Variants in FLNB observed in about 807,000 individuals in gnomAD.
FLNB encodes the protein filamin B, also known as filamin-B.
In FLNB, 111 loss-of-function variants were observed where a neutral mutation model predicts 250.6. The ratio of observed to expected loss-of-function variants is 0.44; its 90% CI spans 0.38 to 0.52. The LOEUF is 0.52. Among genes scored for constraint, FLNB ranks in the 20% least tolerant of loss-of-function variants. The pLI is 0.00. For synonymous variants in FLNB, 1,302 were observed against 1,372.1 expected, an observed-to-expected ratio of 0.95 and a Z score of 1.13; for missense variants, 2,869 against 3,447.8, an observed-to-expected ratio of 0.83 and a Z score of 4.20.
rs144652070 is a variant in FLNB at position 58,164,297 on chromosome 3, G to A, written c.7198+967G>A. On this transcript the variant is annotated intron_variant, in intron 43 of 45. Coordinates refer to ENST00000295956, the MANE Select transcript of FLNB (RefSeq NM_001457.4). This position sits in a 1 kb window ranked among gnomAD's most constrained non-coding sequence, Gnocchi z 4.0. ...GCATCGGGTGGTGCGCAGTGAGTGC[G>A]TCACTGTTATGGAGGCTGCCAGGGT... 8.5e-5 allele frequency: 13 copies of A among 152,434 alleles called. No homozygotes were observed. The highest frequency in any genetic ancestry group is 4.1e-4 in the South Asian group (2 of 4,822). The allele number at this position is 152,434 out of a possible 1,614,324, so 9.4% of individuals were successfully genotyped here. A position where few individuals can be genotyped will look rare whatever the true frequency, so the allele number is the denominator to read the frequency against.
intron 1 of FLNB, among the ~76,000 whole-genome samples, chr3:58,043,300 A>G (rs1350647044): frequency 6.6e-6 from 1 of 151,690 alleles, no homozygotes; most frequent in Non-Finnish European, 1.5e-5. Context: ...GTGTCCGGCT[A>G]ATTTTTGTAT....
intron 20 of FLNB, 39 bp from the exon 21 acceptor site, chr3:58,123,054 G>A (rs756558584): frequency 5.1e-6 from 8 of 1,562,198 alleles, no homozygotes; most frequent in Non-Finnish European, 5.3e-6. Flanking sequence ...GCTGAGCAGC[G>A]ATCCCAGTGC....
chr3:58,078,852 C>A, intron 3 of FLNB, 38 bp downstream of exon 3: 1 of 1,512,694 alleles, frequency 6.6e-7, no homozygotes, highest in Non-Finnish European at 9.1e-7. Flanking sequence ...AGGCTGCCCC[C>A]ACCCACTAGC....
At chr3:58,126,836 C>G (rs2097298791) in intron 24 of FLNB, 74 bp downstream of exon 24, 1 of 1,358,264 alleles carries the variant, frequency 7.4e-7, no homozygotes, top group Non-Finnish European at 1.0e-6. Context: ...TTGGTTATCT[C>G]TCTGAGTGGG....
At chr3:58,125,883 C>A in intron 23 of FLNB, 140 bp downstream of exon 23, 1 of 796,966 alleles carries the variant, frequency 1.3e-6, no homozygotes, top group Non-Finnish European at 2.0e-6. Context: ...ACTTATGTTA[C>A]ATAGAAAGAC....
At chr3:58,117,887 G>C (rs936308908) in intron 18 of FLNB, among the ~76,000 whole-genome samples, 1 of 150,528 alleles carries the variant, frequency 6.6e-6, no homozygotes, top group South Asian at 2.1e-4. Flanking sequence ...TTTAACACTT[G>C]ATCAGCAACA....
chr3:58,080,581 GC>G (rs2097207747), intron 3 of FLNB, among the ~76,000 whole-genome samples: 1 of 142,888 alleles, frequency 7.0e-6, no homozygotes, highest in Admixed American at 7.3e-5. Context: ...TGCAACCTCC[GC>G]CTCCTAGGTA....
chr3:58,023,588 C>T (rs900391088), intron 1 of FLNB, among the ~76,000 whole-genome samples: 6 of 152,112 alleles, frequency 3.9e-5, no homozygotes, highest in Non-Finnish European at 8.8e-5. Flanking sequence ...ATTCCTTTCT[C>T]AGGAAAAAAG....
intron 1 of FLNB, among the ~76,000 whole-genome samples, chr3:58,058,704 T>G (rs1034767772): frequency 6.6e-6 from 1 of 152,222 alleles, no homozygotes; most frequent in Non-Finnish European, 1.5e-5. Flanking sequence ...CTGCAAAACT[T>G]CTTGAATCCA....
intron 7 of FLNB, 126 bp from the exon 8 acceptor site, chr3:58,098,585 G>A (rs560463552): frequency 1.7e-5 from 14 of 818,172 alleles, no homozygotes; most frequent in African/African-American, 8.4e-5. Flanking sequence ...TACCCACCTC[G>A]GCCTCTCGAA....
At chr3:58,038,450 T>C (rs957855272) in intron 1 of FLNB, among the ~76,000 whole-genome samples, 8 of 151,590 alleles carry the variant, frequency 5.3e-5, no homozygotes, top group African/African-American at 1.9e-4. Context: ...CTTTTTTTTT[T>C]TTCCTGAGTT....
chr3:58,148,758 T>A lies in FLNB; in HGVS notation c.5997T>A (p.Ile1999=), dbSNP rs1379156021. The A allele has an allele frequency of 6.2e-7, 1 of 1,613,848 alleles. No homozygotes were observed. Among genetic ancestry groups the A allele is most frequent in the South Asian group, 1.1e-5 (1 of 91,036 alleles). Residue 1999 remains isoleucine, a synonymous_variant, in exon 36 of 46, where the codon ATT becomes ATA. Coordinates refer to ENST00000295956, the MANE Select transcript of FLNB (RefSeq NM_001457.4). ...PVSIMVVQSE[I]GDARRAKVYG... ...CTATCATGGTGGTCCAGTCGGAGATTGGTGACGCCCGCCGAGCCAAAGTCT... is the reference window on the plus strand; with the variant it reads ...CTATCATGGTGGTCCAGTCGGAGATAGGTGACGCCCGCCGAGCCAAAGTCT...
In FLNB at chr3:58,154,616, G is replaced by A. The variant is rs904522939; in HGVS notation, c.6635-175G>A. 4.3e-5 allele frequency: 27 copies of A among 627,636 alleles called. No homozygotes were observed. In the Admixed American group the frequency reaches 6.6e-4, roughly 15 times the overall value. 38.9% of individuals were successfully genotyped at this position (627,636 alleles called of 1,614,324 possible). ...TGTGAATTTAGTTATCACTAGTGAT[G>A]CTTAGGAAACTTCAGCAATGGACCT... On this transcript the variant is annotated intron_variant, in intron 39 of 45. Transcript: ENST00000295956.
Position 58,032,994 on chromosome 3 carries a change from G to A in FLNB, c.292+24138G>A, listed in dbSNP as rs80068496. Among the ~76,000 whole-genome samples, 436 of 152,200 alleles carry A rather than the reference G, an allele frequency of 2.9e-3. 5 individuals are homozygous for A. The highest frequency in any genetic ancestry group is 1.0e-2 in the African/African-American group (415 of 41,526). On this transcript the variant is annotated intron_variant, in intron 1 of 45. Transcript: ENST00000295956. Reference sequence around the variant, plus strand: ...AGGCTGAGGTGGGAGGATTGCTTGAGCCCGGGAAGTCAAGACTGCAGTGAG... The same window carrying A: ...AGGCTGAGGTGGGAGGATTGCTTGAACCCGGGAAGTCAAGACTGCAGTGAG...
Position 58,113,691 on chromosome 3 carries a change from T to G in FLNB, c.2745+1373T>G, listed in dbSNP as rs187454062. 2.5e-4 allele frequency among the ~76,000 whole-genome samples: 38 copies of G among 152,346 alleles called. No individual in the cohort carries two copies. The East Asian group carries it at 7.3e-3, about 29-fold the overall frequency. ...CCAAATTTTTATTTTTATTTATTTA[T>G]TTTTTAGACAAAAGTCTTGCTCTGT... is the stretch of plus-strand genomic sequence containing the variant. On this transcript the variant is annotated intron_variant, in intron 18 of 45. Coordinates refer to ENST00000295956, the MANE Select transcript of FLNB (RefSeq NM_001457.4).
Position 58,105,097 on chromosome 3 carries a change from T to C in FLNB, c.1628T>C (p.Val543Ala), listed in dbSNP as rs773177128. The change falls in exon 11 of 46, where the codon GTT becomes GCT. Residue 543 changes from valine to alanine, a missense_variant. Val to Ala is a moderately conservative substitution (Grantham distance 64, BLOSUM62 0). Around this residue, in one of 5 missense-constraint regions of FLNB, gnomAD observed 1,348 missense variants for 1,466.7 expected, o/e 0.92. Coordinates refer to ENST00000295956, the MANE Select transcript of FLNB (RefSeq NM_001457.4). ...HIPKSPFEVQ[V>A]GPEAGMQKVR... ...CCCTGTAGCCCCTTTGAAGTTCAAG[T>C]TGGCCCTGAAGCGGGTATGCAGAAA... 162 of 1,614,144 alleles carry C rather than the reference T, an allele frequency of 1.0e-4. No homozygotes were observed. The highest frequency in any genetic ancestry group is 1.3e-4 in the Non-Finnish European group (158 of 1,180,050).
chr3:58,132,079 T>A (rs1220612795), intron 25 of FLNB: 1 of 1,173,178 alleles, frequency 8.5e-7, no homozygotes, highest in Non-Finnish European at 1.2e-6. Flanking sequence ...CTGGCCTCAC[T>A]TCTAAAATTG....
intron 25 of FLNB, 75 bp downstream of exon 25, chr3:58,130,983 T>G: frequency 6.9e-7 from 1 of 1,442,916 alleles, no homozygotes; most frequent in Non-Finnish European, 9.5e-7. Context: ...GAGCAGATGC[T>G]TTGCTTTTGA....
rs1209818053 is a variant in FLNB, at chr3:58,078,573, C to T, written c.542-144C>T. 1.9e-5 allele frequency: 29 copies of T among 1,526,204 alleles called. No individual in the cohort carries two copies. The East Asian group carries it at 5.4e-4, about 28-fold the overall frequency. 94.5% of individuals were successfully genotyped at this position (1,526,204 alleles called of 1,614,324 possible). On this transcript the variant is annotated intron_variant, in intron 2 of 45. Transcript: ENST00000295956. ...CACTCATACCTGTGATACTTTTTGC[C>T]TATTAAATATATGATTTGCTCAGAT...
Sources: allele counts gnomAD v4.1 joint callset (sites outside exome capture counted in the v4.1 genomes callset), GRCh38; gene constraint gnomAD v4.1.1; regional missense constraint gnomAD v4.1.1; non-coding constraint Gnocchi (gnomAD v3.1); transcripts MANE v1.5; gene names NCBI Gene and HGNC (gene_info 2026-07-23, HGNC 2026-07-21).